ADAMTS17: variants seen among roughly 807,000 people sequenced by gnomAD.
ADAMTS17 encodes ADAM metallopeptidase with thrombospondin type 1 motif 17.
ADAMTS17 carries 113 observed loss-of-function variants against 141.5 expected under a neutral mutation model. The observed-to-expected ratio is 0.80, with a 90% CI of 0.69 to 0.93. ADAMTS17 has a LOEUF of 0.93. ADAMTS17 is among the 40% of genes least tolerant of loss of function. ADAMTS17 has a pLI of 0.00. For missense variants in ADAMTS17, 1,659 were observed against 1,517.9 expected, an observed-to-expected ratio of 1.09 and a Z score of -1.54; for synonymous variants, 768 against 630.6, an observed-to-expected ratio of 1.22 and a Z score of -3.27.
At chr15:100,155,063 A>T (rs941270269) in intron 9 of ADAMTS17, 117 bp downstream of exon 9, 1 of 1,506,850 alleles carries the variant, frequency 6.6e-7, no homozygotes, top group African/African-American at 1.4e-5. Context: ...CTGAGGCTAG[A>T]TGCAAATCCC....
At position 100,264,918 on chromosome 15, in the gene ADAMTS17, G is replaced by A. The variant is rs181713266; in HGVS notation, c.790-2483C>T. Reference sequence around the variant, plus strand: ...ACAGCAATGCGAACCTAAGAATACCGAACCACACAGTTAAAAATGGCTAAG... The same window carrying A: ...ACAGCAATGCGAACCTAAGAATACCAAACCACACAGTTAAAAATGGCTAAG... On this transcript the variant is annotated intron_variant, in intron 4 of 21. Coordinates refer to ENST00000268070, the MANE Select transcript of ADAMTS17 (RefSeq NM_139057.4). 9.1e-4 allele frequency among the ~76,000 whole-genome samples: 139 copies of A among 152,182 alleles called. 1 individual carries two copies. The highest frequency in any genetic ancestry group is 3.1e-3 in the African/African-American group (129 of 41,502).
At chr15:100,048,219 G>A (rs1273145011) in intron 18 of ADAMTS17, among the ~76,000 whole-genome samples, 1 of 152,118 alleles carries the variant, frequency 6.6e-6, no homozygotes, top group Non-Finnish European at 1.5e-5. Context: ...ACAGCAGGAC[G>A]GAAGGCCAAA....
At chr15:100,157,545 C>T (rs1417498406) in intron 8 of ADAMTS17, among the ~76,000 whole-genome samples, 2 of 152,212 alleles carry the variant, frequency 1.3e-5, no homozygotes, top group African/African-American at 2.4e-5. Context: ...CTATCAACCT[C>T]AGACCCTCCT....
chr15:100,116,112 T>C (rs1274298070), intron 13 of ADAMTS17, among the ~76,000 whole-genome samples: 1 of 105,282 alleles, frequency 9.5e-6, no homozygotes, highest in South Asian at 3.3e-4. Context: ...TCTTGTTTCC[T>C]AAAGAAGAAC....
chr15:100,287,653 C>T (rs187446139), intron 3 of ADAMTS17, among the ~76,000 whole-genome samples: 4 of 152,228 alleles, frequency 2.6e-5, no homozygotes, highest in East Asian at 1.9e-4. Flanking sequence ...AGGTCACCTA[C>T]GAAGGGAACC....
At chr15:99,984,405 G>A (rs934869820) in intron 20 of ADAMTS17, among the ~76,000 whole-genome samples, 1 of 152,212 alleles carries the variant, frequency 6.6e-6, no homozygotes, top group Non-Finnish European at 1.5e-5. Context: ...ACCCAACCAC[G>A]GAACGCACCA....
intron 7 of ADAMTS17, among the ~76,000 whole-genome samples, chr15:100,223,724 G>GTATATATACACATGTATGTGTATA (rs771911740): frequency 4.0e-5 from 6 of 150,298 alleles, no homozygotes; most frequent in Middle Eastern, 3.4e-3. Context: ...TACATATAGT[G>GTATATATACACATGTATGTGTATA]TATATATACA....
intron 10 of ADAMTS17, among the ~76,000 whole-genome samples, chr15:100,144,616 T>C (rs543180848): frequency 1.3e-5 from 2 of 151,990 alleles, no homozygotes; most frequent in African/African-American, 4.8e-5. Flanking sequence ...ACTCCTGTGG[T>C]TTACCGGCAA....
chr15:100,123,176 A>G (rs1379489837), intron 12 of ADAMTS17, among the ~76,000 whole-genome samples: 2 of 152,188 alleles, frequency 1.3e-5, no homozygotes, highest in East Asian at 3.9e-4. Flanking sequence ...CGAGTGCAGC[A>G]GGGACCAGAT....
intron 7 of ADAMTS17, among the ~76,000 whole-genome samples, chr15:100,247,578 C>T (rs201479427): frequency 6.6e-6 from 1 of 152,230 alleles, no homozygotes; most frequent in Middle Eastern, 3.4e-3. Context: ...GTGGAAGGGA[C>T]GAAGCACAGT....
chr15:100,211,099 C>CAAAT (rs372084235), intron 7 of ADAMTS17, among the ~76,000 whole-genome samples: 38,391 of 131,552 alleles, frequency 0.29, 5,902 homozygotes, highest in South Asian at 0.33. Context: ...GACTCAGTCT[C>CAAAT]AAATAAATAA....
chr15:100,334,535 C>T (rs947868606), intron 2 of ADAMTS17, among the ~76,000 whole-genome samples: 21 of 152,156 alleles, frequency 1.4e-4, no homozygotes, highest in African/African-American at 4.8e-4. Context: ...CAGATCCTCC[C>T]GTCCTGCCTC....
intron 3 of ADAMTS17, among the ~76,000 whole-genome samples, chr15:100,325,009 C>T (rs138445626): frequency 6.6e-6 from 1 of 152,332 alleles, no homozygotes; most frequent in East Asian, 1.9e-4. Flanking sequence ...ACGATGGTGT[C>T]TATTGTTACA....
At chr15:100,067,911 C>A (rs1730899774) in intron 15 of ADAMTS17, among the ~76,000 whole-genome samples, 1 of 152,108 alleles carries the variant, frequency 6.6e-6, no homozygotes, top group Admixed American at 6.5e-5. Flanking sequence ...GGGTGCAGGA[C>A]AGTGGGTGCA....
At position 100,122,979 on chromosome 15, in the gene ADAMTS17, G is replaced by T. The variant is rs3919891; in HGVS notation, c.1722-5966C>A. 2.0e-5 allele frequency among the ~76,000 whole-genome samples: 3 copies of T among 152,188 alleles called. No homozygotes were observed. In the East Asian group the frequency reaches 5.8e-4, roughly 29 times the overall value. ...AGGCATCCTCCATCTGCGGCATAGA[G>T]AAGACAGAAGGAGAATCCTTGTGGG... is the stretch of plus-strand genomic sequence containing the variant. On this transcript the variant is annotated intron_variant, in intron 12 of 21. Transcript: ENST00000268070.
At chr15:100,074,812 A>G (rs951985738) in intron 15 of ADAMTS17, among the ~76,000 whole-genome samples, 1 of 152,140 alleles carries the variant, frequency 6.6e-6, no homozygotes, top group African/African-American at 2.4e-5. Flanking sequence ...AATTTTTTCA[A>G]TCATTCATTT....
chr15:100,102,774 C>G (rs2036195790), intron 14 of ADAMTS17, among the ~76,000 whole-genome samples: 1 of 152,192 alleles, frequency 6.6e-6, no homozygotes, highest in South Asian at 2.1e-4. Context: ...TCAAACAGTT[C>G]ATTCCATGAC....
chr15:100,035,940 A>G (rs998374535), intron 18 of ADAMTS17, among the ~76,000 whole-genome samples: 1 of 152,288 alleles, frequency 6.6e-6, no homozygotes. Flanking sequence ...TACTGCTCAG[A>G]GACATAGGGG....
intron 18 of ADAMTS17, among the ~76,000 whole-genome samples, chr15:100,004,903 G>C (rs963361567): frequency 6.6e-6 from 1 of 152,192 alleles, no homozygotes; most frequent in Non-Finnish European, 1.5e-5. Context: ...TTATAGACAT[G>C]AGCAACCACA....
Sources: allele counts gnomAD v4.1 joint callset (sites outside exome capture counted in the v4.1 genomes callset), GRCh38; gene constraint gnomAD v4.1.1; transcripts MANE v1.5; gene names NCBI Gene and HGNC (gene_info 2026-07-23, HGNC 2026-07-21).